CD300E: variants seen among roughly 807,000 people sequenced by gnomAD.
CD300E encodes the protein CMRF35-like molecule 2.
CD300E carries 14 observed loss-of-function variants against 20.9 expected under a neutral mutation model. The observed-to-expected ratio is 0.67, with a 90% CI of 0.44 to 1.05. CD300E has a LOEUF of 1.05. Among genes scored for constraint, CD300E ranks in the 50% least tolerant of loss-of-function variants. The pLI is 0.00. For synonymous variants in CD300E, 102 were observed against 103.7 expected, an observed-to-expected ratio of 0.98 and a Z score of 0.10; for missense variants, 237 against 253.9, an observed-to-expected ratio of 0.93 and a Z score of 0.45.
At chr17:74,613,561 T>G (rs1471906397) in intron 3 of CD300E, among the ~76,000 whole-genome samples, 1 of 152,162 alleles carries the variant, frequency 6.6e-6, no homozygotes, top group Non-Finnish European at 1.5e-5. Flanking sequence ...AGACAGCTCC[T>G]GGTGGCAAAA....
chr17:74,621,094 T>C (rs1425112425), intron 1 of CD300E, among the ~76,000 whole-genome samples: 1 of 152,098 alleles, frequency 6.6e-6, no homozygotes, highest in Non-Finnish European at 1.5e-5. Flanking sequence ...ATAAGGGGTG[T>C]GGCTGATTAA....
At chr17:74,613,815 G>T in intron 3 of CD300E, 110 bp downstream of exon 3, 1 of 666,242 alleles carries the variant, frequency 1.5e-6, no homozygotes, top group Non-Finnish European at 2.7e-6. Flanking sequence ...GACCAGAGAT[G>T]GAGAGAAACA....
intron 2 of CD300E, 68 bp downstream of exon 2, chr17:74,617,050 C>A (rs2030915682): frequency 7.4e-7 from 1 of 1,351,736 alleles, no homozygotes; most frequent in Middle Eastern, 1.8e-4. Context: ...CTTCAGTGTG[C>A]CGCCCACCCT....
Position 74,612,684 on chromosome 17 carries a change from T to C in CD300E, c.587A>G (p.Asn196Ser). 1.2e-6 allele frequency: 2 copies of C among 1,613,834 alleles called. No homozygotes were observed. The highest frequency in any genetic ancestry group is 1.6e-4 in the Middle Eastern group (1 of 6,062). ...TCCAGGAGGAGCCCACTGAGGCCTG[T>C]TCACCCAGAAGACAGCACCCAGCAT... is the stretch of plus-strand genomic sequence containing the variant. ...LSMLGAVFWVNRPQWAPPGR is the reference protein window; with the variant it reads ...LSMLGAVFWVSRPQWAPPGR Residue 196 changes from asparagine to serine, a missense_variant, in exon 4 of 4, where the codon AAC becomes AGC. By Grantham distance (46) the Asn-to-Ser change is conservative (BLOSUM62 1). Coordinates refer to ENST00000392619, the MANE Select transcript of CD300E (RefSeq NM_181449.3).
intron 2 of CD300E, among the ~76,000 whole-genome samples, chr17:74,614,787 G>A (rs2030864222): frequency 6.6e-6 from 1 of 152,012 alleles, no homozygotes; most frequent in South Asian, 2.1e-4. Context: ...CGGCCCATGT[G>A]GAAAGGCCAC....
At chr17:74,618,033 A>AC (rs928066426) in intron 1 of CD300E, among the ~76,000 whole-genome samples, 12 of 152,030 alleles carry the variant, frequency 7.9e-5, no homozygotes, top group Admixed American at 6.5e-4. Context: ...ACACAAGATG[A>AC]CCCCCCCGAC....
At chr17:74,614,777 C>T (rs1002768624) in intron 2 of CD300E, among the ~76,000 whole-genome samples, 10 of 152,282 alleles carry the variant, frequency 6.6e-5, no homozygotes, top group South Asian at 2.1e-4. Flanking sequence ...CCACCGCGCC[C>T]GGCCCATGTG....
At chr17:74,617,086 A>G in intron 2 of CD300E, 32 bp downstream of exon 2, 1 of 1,599,352 alleles carries the variant, frequency 6.3e-7, no homozygotes, top group Non-Finnish European at 8.6e-7. Context: ...TCGCACCCCA[A>G]ACCCTGCTGC....
At chr17:74,614,995 G>A (rs930243462) in intron 2 of CD300E, among the ~76,000 whole-genome samples, 2 of 152,226 alleles carry the variant, frequency 1.3e-5, no homozygotes, top group Admixed American at 6.5e-5. Context: ...GATAAGCCGC[G>A]TTCAACCTCT....
At chr17:74,622,103 C>T in intron 1 of CD300E, among the ~76,000 whole-genome samples, 1 of 151,850 alleles carries the variant, frequency 6.6e-6, no homozygotes, top group African/African-American at 2.4e-5. Flanking sequence ...CTCACTCAAC[C>T]AACGTTTGCT....
rs1598146755 is a variant in CD300E, at chr17:74,612,060, G to C, written c.*593C>G. ...AGCCTAAAGGCTGGGGCTGTGAGGGGTGTGTCCTCAGGGAGACTCCTGTCT... is the reference window on the plus strand; with the variant it reads ...AGCCTAAAGGCTGGGGCTGTGAGGGCTGTGTCCTCAGGGAGACTCCTGTCT... On this transcript the variant is annotated 3_prime_UTR_variant, in exon 4 of 4. Coordinates refer to ENST00000392619, the MANE Select transcript of CD300E (RefSeq NM_181449.3). 2.0e-5 allele frequency: 3 copies of C among 152,560 alleles called. No individual in the cohort carries two copies. Among genetic ancestry groups the C allele is most frequent in the Non-Finnish European group, 4.4e-5 (3 of 68,328 alleles). The allele number at this position is 152,560 out of a possible 1,614,324, so 9.5% of individuals were successfully genotyped here. A position where few individuals can be genotyped will look rare whatever the true frequency, so the allele number is the denominator to read the frequency against.
chr17:74,612,657 C>T lies in CD300E; in HGVS notation c.614G>A (p.Arg205Lys), dbSNP rs765305062. The T allele has an allele frequency of 1.3e-5, 21 of 1,613,548 alleles. No homozygotes were observed. The Admixed American group carries it at 2.0e-4, about 15-fold the overall frequency. ...VNRPQWAPPG[R>K] ...GGGCTTCGGGTCAGCCTGGCTCTAT[C>T]TTCCAGGAGGAGCCCACTGAGGCCT... Residue 205 changes from arginine (R) to lysine (K), a missense_variant, in exon 4 of 4, where the codon AGA (arginine) becomes AAA (lysine). Transcript: ENST00000392619.
intron 1 of CD300E, among the ~76,000 whole-genome samples, chr17:74,620,247 G>C (rs1399357148): frequency 6.6e-6 from 1 of 152,166 alleles, no homozygotes; most frequent in African/African-American, 2.4e-5. Context: ...CGAGGCGGGC[G>C]GATCACCAGA....
intron 2 of CD300E, among the ~76,000 whole-genome samples, chr17:74,616,553 A>T (rs1296963120): frequency 6.6e-6 from 1 of 152,096 alleles, no homozygotes; most frequent in Non-Finnish European, 1.5e-5. Context: ...GCACAGGTAG[A>T]GGGTGGGCAT....
Position 74,612,578 on chromosome 17 carries a change from C to A in CD300E, c.*75G>T. 1 of 1,573,150 alleles carries A rather than the reference C, an allele frequency of 6.4e-7. No homozygotes were observed. The highest frequency in any genetic ancestry group is 1.1e-5 in the South Asian group (1 of 88,086). ...CCAGAGTCCACAGGTCTCTCGCATC[C>A]AGTCTGAAAGGTTGACTCCCTGCAC... is the stretch of plus-strand genomic sequence containing the variant. On this transcript the variant is annotated 3_prime_UTR_variant, in exon 4 of 4. Transcript: ENST00000392619.
At chr17:74,620,880 T>C (rs2031007096) in intron 1 of CD300E, among the ~76,000 whole-genome samples, 1 of 151,830 alleles carries the variant, frequency 6.6e-6, no homozygotes, top group Admixed American at 6.6e-5. Flanking sequence ...TTGTCTCTAC[T>C]AAAAATACAA....
chr17:74,613,864 C>T, intron 3 of CD300E, 61 bp downstream of exon 3: 3 of 1,118,748 alleles, frequency 2.7e-6, no homozygotes, highest in Non-Finnish European at 4.0e-6. Flanking sequence ...GCGCCACCCC[C>T]ACCCCCCAGC....
chr17:74,613,025 G>T (rs373857503), intron 3 of CD300E, among the ~76,000 whole-genome samples: 1 of 152,168 alleles, frequency 6.6e-6, no homozygotes, highest in Non-Finnish European at 1.5e-5. Flanking sequence ...CCAGGAGTGC[G>T]CTCCACAGCA....
Position 74,617,441 on chromosome 17 carries a change from C to T in CD300E, c.65G>A (p.Gly22Asp). ...GTCCCCCGCAGTGCCAGTCACAGAG[C>T]CGGGGCCCTTCAGAGACAAACAGCC... The part of the protein sequence containing the change: ...LSGCLSLKGP[G>D]SVTGTAGDSL... Residue 22 changes from glycine to aspartate, a missense_variant, in exon 2 of 4, where the codon GGC becomes GAC. Coordinates refer to ENST00000392619, the MANE Select transcript of CD300E (RefSeq NM_181449.3). The T allele has an allele frequency of 6.2e-7, 1 of 1,613,560 alleles. No individual in the cohort carries two copies.
Sources: gnomAD v4.1 joint callset for allele counts (sites outside exome capture counted in the v4.1 genomes callset) on GRCh38, gnomAD v4.1.1 for gene constraint, MANE v1.5 for transcripts, NCBI Gene and HGNC (gene_info 2026-07-23, HGNC 2026-07-21) for gene names.